The following ALDH1A2 variants were observed in gnomAD, a reference collection of about 807,000 sequenced individuals.
ALDH1A2 encodes aldehyde dehydrogenase 1 family member A2, also known as retinal dehydrogenase 2.
ALDH1A2 carries 27 observed loss-of-function variants against 60.3 expected under a neutral mutation model. The observed-to-expected ratio is 0.45, with a 90% CI of 0.33 to 0.62. The LOEUF (loss-of-function observed/expected upper bound fraction) is 0.62, where lower values mean the gene tolerates loss of function less well. Ranked by LOEUF, ALDH1A2 falls within the 20% of genes least tolerant of loss-of-function variation. ALDH1A2 has a pLI of 0.02. For missense variants in ALDH1A2, 581 were observed against 643.8 expected, an observed-to-expected ratio of 0.90 and a Z score of 1.06; for synonymous variants, 289 against 232.4, an observed-to-expected ratio of 1.24 and a Z score of -2.21.
At chr15:58,025,893 C>A (rs2140532881) in intron 1 of ALDH1A2, among the ~76,000 whole-genome samples, 1 of 152,278 alleles carries the variant, frequency 6.6e-6, no homozygotes, top group South Asian at 2.1e-4. Context: ...TGTGAACTCA[C>A]AGAGCAAGAA....
chr15:58,058,636 A>AT (rs1896953317), intron 1 of ALDH1A2, among the ~76,000 whole-genome samples: 1 of 152,156 alleles, frequency 6.6e-6, no homozygotes. Flanking sequence ...GATATGCTAA[A>AT]TTCTTCTAGA....
intron 12 of ALDH1A2, among the ~76,000 whole-genome samples, chr15:57,958,845 C>T: frequency 6.6e-6 from 1 of 152,176 alleles, no homozygotes; most frequent in East Asian, 1.9e-4. Context: ...AACATGCAAT[C>T]TAGACAAGAT....
intron 10 of ALDH1A2, among the ~76,000 whole-genome samples, chr15:57,961,806 C>T (rs1893730100): frequency 6.6e-6 from 1 of 152,226 alleles, no homozygotes; most frequent in Admixed American, 6.5e-5. Flanking sequence ...AAGCACATAG[C>T]ATGTCACCTG....
chr15:58,037,000 A>G (rs1896392653), intron 1 of ALDH1A2, among the ~76,000 whole-genome samples: 1 of 151,720 alleles, frequency 6.6e-6, no homozygotes, highest in Non-Finnish European at 1.5e-5. Flanking sequence ...TCAGAAGATT[A>G]TCTGATACCC....
At chr15:57,975,640 G>T (rs1894223435) in intron 7 of ALDH1A2, among the ~76,000 whole-genome samples, 1 of 152,088 alleles carries the variant, frequency 6.6e-6, no homozygotes, top group Non-Finnish European at 1.5e-5. Flanking sequence ...CCCATAAATG[G>T]ACTACTACTT....
intron 1 of ALDH1A2, among the ~76,000 whole-genome samples, chr15:58,055,539 T>C (rs1896874142): frequency 3.3e-5 from 5 of 151,932 alleles, no homozygotes; most frequent in African/African-American, 1.2e-4. Context: ...AAATAAGTAA[T>C]ATGAATGCTC....
At chr15:57,961,371 A>C in intron 10 of ALDH1A2, 77 bp from the exon 11 acceptor site, 1 of 1,540,594 alleles carries the variant, frequency 6.5e-7, no homozygotes, top group Non-Finnish European at 8.9e-7. Context: ...ATGCAAGTTT[A>C]CTCTGCCTTG....
chr15:58,004,423 A>G (rs899349717), intron 4 of ALDH1A2, among the ~76,000 whole-genome samples: 1 of 151,756 alleles, frequency 6.6e-6, no homozygotes, highest in African/African-American at 2.4e-5. Flanking sequence ...GCCCATCACC[A>G]GAATAGTCAA....
At chr15:58,037,507 A>G in intron 1 of ALDH1A2, among the ~76,000 whole-genome samples, 1 of 151,672 alleles carries the variant, frequency 6.6e-6, no homozygotes, top group African/African-American at 2.4e-5. Context: ...AACTAGCTTT[A>G]TTTTTTTTCA....
intron 4 of ALDH1A2, among the ~76,000 whole-genome samples, chr15:57,999,555 T>C (rs1408293931): frequency 6.6e-6 from 1 of 151,956 alleles, no homozygotes; most frequent in African/African-American, 2.4e-5. Context: ...CTGGCAAAGG[T>C]GTGGAAAAAT....
intron 4 of ALDH1A2, among the ~76,000 whole-genome samples, chr15:58,000,235 C>G (rs12909423): frequency 0.47 from 71,801 of 151,702 alleles, 17,377 homozygotes; most frequent in Non-Finnish European, 0.53. Context: ...TGTAATCTCA[C>G]TTTGCATTTT....
chr15:58,057,177 G>A (rs1319798407), intron 1 of ALDH1A2, among the ~76,000 whole-genome samples: 4 of 152,018 alleles, frequency 2.6e-5, no homozygotes, highest in Admixed American at 2.0e-4. Context: ...TAAATGTCAA[G>A]AGCAGAAACT....
rs1893472665 is a variant in ALDH1A2, at chr15:57,955,092, A to C, written c.*105T>G. 1.6e-6 allele frequency: 2 copies of C among 1,224,174 alleles called. No individual in the cohort carries two copies. The highest frequency in any genetic ancestry group is 2.4e-6 in the Non-Finnish European group (2 of 824,334). The allele number at this position is 1,224,174 out of a possible 1,614,324, so 75.8% of individuals were successfully genotyped here. On this transcript the variant is annotated 3_prime_UTR_variant, in exon 13 of 13. Transcript: ENST00000249750. Reference sequence around the variant, plus strand: ...CTACATGTTATCTTTTCAATCTTTAAGTAAGGACCGTGGCTCAACTTTGTA... The same window carrying C: ...CTACATGTTATCTTTTCAATCTTTACGTAAGGACCGTGGCTCAACTTTGTA...
At chr15:58,062,689 A>G (rs1169729777) in intron 1 of ALDH1A2, among the ~76,000 whole-genome samples, 1 of 115,532 alleles carries the variant, frequency 8.7e-6, no homozygotes, top group Non-Finnish European at 2.1e-5. Flanking sequence ...GACTAACACC[A>G]TCTAGTTTTA....
intron 7 of ALDH1A2, among the ~76,000 whole-genome samples, chr15:57,986,574 A>AAAAAAAAAAAAAAAAAAAAAAAAC (rs1171779801): frequency 2.1e-5 from 1 of 48,776 alleles, no homozygotes; most frequent in African/African-American, 5.7e-5. Context: ...GAAAAGCCAA[A>AAAAAAAAAAAAAAAAAAAAAAAAC]AAAAAAAAAA....
chr15:57,971,450 G>A (rs1431734758), intron 7 of ALDH1A2, among the ~76,000 whole-genome samples: 4 of 152,170 alleles, frequency 2.6e-5, no homozygotes, highest in African/African-American at 4.8e-5. Flanking sequence ...TTTTAAGACA[G>A]GGTCTCACTC....
Position 57,992,687 on chromosome 15 carries a change from G to C in ALDH1A2, c.798+18C>G. ...TTTGCAAGACTGTTCCTCAAGCCCTGGTTTTTCAGATACCTACCTCAGTAG... is the reference window on the plus strand; with the variant it reads ...TTTGCAAGACTGTTCCTCAAGCCCTCGTTTTTCAGATACCTACCTCAGTAG... On this transcript the variant is annotated intron_variant, in intron 7 of 12. Coordinates refer to ENST00000249750, the MANE Select transcript of ALDH1A2 (RefSeq NM_003888.4). 6.2e-7 allele frequency: 1 copy of C among 1,608,530 alleles called. No homozygotes were observed. The highest frequency in any genetic ancestry group is 8.5e-7 in the Non-Finnish European group (1 of 1,175,032).
chr15:58,007,435 A>T (rs1383581568), intron 4 of ALDH1A2, among the ~76,000 whole-genome samples: 1 of 152,016 alleles, frequency 6.6e-6, no homozygotes, highest in Non-Finnish European at 1.5e-5. Context: ...CAATCTCCAT[A>T]AGAAGAGAAT....
intron 1 of ALDH1A2, among the ~76,000 whole-genome samples, chr15:58,049,169 G>A (rs1486798845): frequency 9.9e-5 from 15 of 152,088 alleles, no homozygotes; most frequent in Non-Finnish European, 4.4e-5. Context: ...CACTGCTGAA[G>A]AGTATTCCAT....
Sources: gnomAD v4.1 joint callset for allele counts (sites outside exome capture counted in the v4.1 genomes callset) on GRCh38, gnomAD v4.1.1 for gene constraint, MANE v1.5 for transcripts, NCBI Gene and HGNC (gene_info 2026-07-23, HGNC 2026-07-21) for gene names.